NT5DC4: variants seen among roughly 807,000 people sequenced by gnomAD.
NT5DC4 encodes 5'-nucleotidase domain containing 4, also known as 5'-nucleotidase domain-containing protein 4.
Under a neutral mutation model 26.6 loss-of-function variants are expected in NT5DC4, and 44 were observed. The observed-to-expected ratio is 1.65, with a 90% CI of 1.30 to 2.13. The LOEUF (loss-of-function observed/expected upper bound fraction) is 2.13. Ranked by LOEUF, NT5DC4 falls within the 30% of genes most tolerant of loss-of-function variation. The pLI is 0.00. For synonymous variants in NT5DC4, 157 were observed against 86.7 expected, an observed-to-expected ratio of 1.81 and a Z score of -4.51; for missense variants, 399 against 228.1, an observed-to-expected ratio of 1.75 and a Z score of -4.83.
chr2:112,719,023 G>T (rs74438356), upstream of NT5DC4, among the ~76,000 whole-genome samples: 25,063 of 152,156 alleles, frequency 0.16, 2,636 homozygotes, highest in East Asian at 0.52. Flanking sequence ...GTCATGCGGG[G>T]CTTGACCACA....
downstream of NT5DC4, chr2:112,742,536 A>C: frequency 1.4e-6 from 1 of 710,482 alleles, no homozygotes; most frequent in Non-Finnish European, 2.6e-6. Flanking sequence ...TTTACTTGTA[A>C]TAATACAAAT....
chr2:112,740,293 T>G (rs1228811883), downstream of NT5DC4, among the ~76,000 whole-genome samples: 1 of 152,196 alleles, frequency 6.6e-6, no homozygotes, highest in African/African-American at 2.4e-5. Flanking sequence ...GTGCCCTTGT[T>G]TGGAATTCTT....
intron 3 of NT5DC4, 33 bp from the exon 4 acceptor site, chr2:112,722,150 C>T: frequency 3.0e-6 from 2 of 667,764 alleles, no homozygotes; most frequent in East Asian, 5.6e-5. Flanking sequence ...TTGGTACCCC[C>T]ACCCACAGTG....
chr2:112,726,799 C>A, intron 15 of NT5DC4, 61 bp downstream of exon 15: 1 of 716,780 alleles, frequency 1.4e-6, no homozygotes, highest in South Asian at 1.5e-5. Flanking sequence ...GGTTCACTTC[C>A]CCACTGCTTG....
In NT5DC4 at chr2:112,725,510, C is replaced by G. The variant is rs1217989559; in HGVS notation, c.1111C>G (p.Pro371Ala). 1.4e-6 allele frequency: 1 copy of G among 716,504 alleles called. No homozygotes were observed. The highest frequency in any genetic ancestry group is 2.6e-6 in the Non-Finnish European group (1 of 384,620). The allele number at this position is 716,504 out of a possible 1,614,324, so 44.4% of individuals were successfully genotyped here. ...GGGCTGGCGGACTTGCCTGGTGGTT[C>G]CTGAGCTGTCCTGGGAGCTGGACAT... ...RQGWRTCLVV[P>A]ELSWELDIWA... is the part of the protein sequence containing the mutation. Residue 371 changes from proline to alanine, a missense_variant, in exon 13 of 17, where the codon CCT becomes GCT. By Grantham distance (27) the Pro-to-Ala change is conservative (BLOSUM62 -1). Transcript: ENST00000688554.
At chr2:112,738,472 C>A in intron 16 of NT5DC4, 1 of 220,746 alleles carries the variant, frequency 4.5e-6, no homozygotes, top group Middle Eastern at 1.9e-3. Context: ...AAGGTGGATG[C>A]AGAAAGAAAA....
intron 5 of NT5DC4, 25 bp downstream of exon 5, chr2:112,722,614 G>T (rs1484187317): frequency 5.6e-6 from 4 of 717,376 alleles, no homozygotes; most frequent in African/African-American, 5.2e-5. Context: ...GGGGGCACGG[G>T]AGGTGGTCCT....
intron 9 of NT5DC4, 102 bp downstream of exon 9, chr2:112,723,904 A>G (rs1677324436): frequency 2.9e-6 from 2 of 690,916 alleles, no homozygotes; most frequent in Non-Finnish European, 5.4e-6. Flanking sequence ...GGGAGCCAAG[A>G]CCCTCCTACC....
chr2:112,734,167 A>ATGTGTGTGTGTGTGTGTGTGTGTGTGTG (rs1380428965), intron 16 of NT5DC4, among the ~76,000 whole-genome samples: 2 of 5,260 alleles, frequency 3.8e-4, no homozygotes, highest in African/African-American at 8.4e-4. Context: ...GCTATTATAT[A>ATGTGTGTGTGTGTGTGTGTGTGTGTGTG]TATGTGTGTG....
chr2:112,724,275 G>A, intron 10 of NT5DC4, 149 bp downstream of exon 10: 1 of 668,912 alleles, frequency 1.5e-6, no homozygotes, highest in Non-Finnish European at 2.8e-6. Flanking sequence ...CTCATGAGTG[G>A]AAGCTCCCCA....
intron 4 of NT5DC4, 100 bp from the exon 5 acceptor site, chr2:112,722,383 G>T (rs1384933678): frequency 1.4e-6 from 1 of 712,270 alleles, no homozygotes; most frequent in Non-Finnish European, 2.6e-6. Context: ...GCCCACGGTG[G>T]AGGCTCAGCA....
chr2:112,734,167 A>ATGTGTGTGTGTGTGTG (rs1380428965), intron 16 of NT5DC4, among the ~76,000 whole-genome samples: 87 of 5,260 alleles, frequency 0.017, no homozygotes, highest in African/African-American at 0.029. Flanking sequence ...GCTATTATAT[A>ATGTGTGTGTGTGTGTG]TATGTGTGTG....
chr2:112,719,811 A>C (rs1480312409), upstream of NT5DC4, among the ~76,000 whole-genome samples: 96 of 114,100 alleles, frequency 8.4e-4, no homozygotes, highest in Middle Eastern at 6.7e-3. Flanking sequence ...CCTTTTCTTC[A>C]TTTCCTTTCC....
At position 112,721,973 on chromosome 2, in the gene NT5DC4, C is replaced by G. The variant is rs371804977; in HGVS notation, c.149-13C>G. ...TGGGCACCAAAGCCCTGATTCTGTCCGGGCCTCTGCAGCCTACAAGTCCCC... is the reference window on the plus strand; with the variant it reads ...TGGGCACCAAAGCCCTGATTCTGTCGGGGCCTCTGCAGCCTACAAGTCCCC... On this transcript the variant is annotated splice_polypyrimidine_tract_variant and intron_variant, in intron 2 of 16. Transcript: ENST00000688554. 2.8e-6 allele frequency: 2 copies of G among 717,130 alleles called. No homozygotes were observed. The highest frequency in any genetic ancestry group is 3.5e-5 in the African/African-American group (2 of 57,256). The allele number at this position is 717,130 out of a possible 1,614,324, so 44.4% of individuals were successfully genotyped here. A position where few individuals can be genotyped will look rare whatever the true frequency, so the allele number is the denominator to read the frequency against.
At position 112,722,955 on chromosome 2, in the gene NT5DC4, G is replaced by A. The variant is rs76036385; in HGVS notation, c.528-126G>A. ...CTCTGGGTGATGCCCCTCCCAGGATGTCTGGGACATAAGCCCAGTGAAGGC... is the reference window on the plus strand; with the variant it reads ...CTCTGGGTGATGCCCCTCCCAGGATATCTGGGACATAAGCCCAGTGAAGGC... On this transcript the variant is annotated intron_variant, in intron 6 of 16. Transcript: ENST00000688554. 0.018 allele frequency: 6,456 copies of A among 361,166 alleles called. 292 individuals are homozygous for A. In the African/African-American group the frequency reaches 0.3, roughly 17 times the overall value. 22.4% of individuals were successfully genotyped at this position (361,166 alleles called of 1,614,324 possible).
intron 16 of NT5DC4, among the ~76,000 whole-genome samples, chr2:112,734,770 C>T (rs1007285603): frequency 1.3e-5 from 2 of 152,144 alleles, no homozygotes; most frequent in Non-Finnish European, 2.9e-5. Context: ...GTTCACTGCA[C>T]CCTTTGTTTC....
At chr2:112,727,934 T>C (rs1677964444) in intron 15 of NT5DC4, among the ~76,000 whole-genome samples, 1 of 152,236 alleles carries the variant, frequency 6.6e-6, no homozygotes, top group Non-Finnish European at 1.5e-5. Flanking sequence ...CGACCTCCTG[T>C]ACTTCCGAGT....
chr2:112,723,122 T>G lies in NT5DC4; in HGVS notation c.569T>G (p.Phe190Cys), dbSNP rs1677159198. The G allele has an allele frequency of 1.4e-6, 1 of 717,168 alleles. No homozygotes were observed. Among genetic ancestry groups the G allele is most frequent in the African/African-American group, 1.7e-5 (1 of 57,210 alleles). The allele number at this position is 717,168 out of a possible 1,614,324, so 44.4% of individuals were successfully genotyped here. ...CAGCATGGGAACCTCTTCATGTCCT[T>G]CCGAAGCCTCTTCCAGGATGTGACT... ...GYQHGNLFMSFRSLFQDVTDA... is the reference protein window; with the variant it reads ...GYQHGNLFMSCRSLFQDVTDA... The change falls in exon 7 of 17, where the codon TTC becomes TGC. Residue 190 changes from phenylalanine to cysteine, a missense_variant. Physicochemically the swap from Phe to Cys is radical, Grantham distance 205. Coordinates refer to ENST00000688554, the MANE Select transcript of NT5DC4 (RefSeq NM_001393655.1).
At chr2:112,719,951 TTTCTTTCTTTCTTTCTTTCTTTC>T (rs1676714962), upstream of NT5DC4, among the ~76,000 whole-genome samples, 10 of 121,516 alleles carry the variant, frequency 8.2e-5, no homozygotes, top group African/African-American at 3.1e-4. Flanking sequence ...TCTTTCTTTC[TTTCTTTCTTTCTTTCTTTCTTTC>T]TTTCTTTCTT....
Sources: allele counts gnomAD v4.1 joint callset (sites outside exome capture counted in the v4.1 genomes callset), GRCh38; gene constraint gnomAD v4.1.1; transcripts MANE v1.5; gene names NCBI Gene and HGNC (gene_info 2026-07-23, HGNC 2026-07-21).